The following MYCBP2 variants were observed in gnomAD, a reference collection of about 807,000 sequenced individuals.
The protein encoded by MYCBP2 is E3 ubiquitin-protein ligase MYCBP2.
MYCBP2 carries 120 observed loss-of-function variants against 525.3 expected under a neutral mutation model. The ratio of observed to expected loss-of-function variants is 0.23; its 90% CI spans 0.20 to 0.27. The LOEUF (loss-of-function observed/expected upper bound fraction) is 0.27, where lower values mean the gene tolerates loss of function less well. Ranked by LOEUF, MYCBP2 falls within the 10% of genes least tolerant of loss-of-function variation. The pLI, the probability that MYCBP2 is intolerant of heterozygous loss-of-function variation, is 1.00. For missense variants in MYCBP2, 4,149 were observed against 5,657.1 expected (o/e 0.73, Z 8.55); for synonymous variants, 1,894 against 1,955.8 (o/e 0.97, Z 0.83).
chr13:77,057,760 T>G (rs1030066442), intron 78 of MYCBP2, among the ~76,000 whole-genome samples: 11 of 151,024 alleles, frequency 7.3e-5, no homozygotes, highest in African/African-American at 2.4e-4. Flanking sequence ...AATTTGCTCC[T>G]CATTAGCCTG....
chr13:77,160,140 C>G (rs1245557313), intron 44 of MYCBP2, among the ~76,000 whole-genome samples: 4 of 149,592 alleles, frequency 2.7e-5, no homozygotes, highest in Admixed American at 1.3e-4. Flanking sequence ...GATCTTGGCT[C>G]ACCTCAACCT....
At chr13:77,120,069 TGACA>T (rs1320105866) in intron 55 of MYCBP2, among the ~76,000 whole-genome samples, 7 of 152,184 alleles carry the variant, frequency 4.6e-5, no homozygotes, top group South Asian at 4.1e-4. Flanking sequence ...ATTAGTACAA[TGACA>T]GACAGTTTAA....
At chr13:77,188,474 T>C (rs1036763493) in intron 30 of MYCBP2, among the ~76,000 whole-genome samples, 25 of 152,244 alleles carry the variant, frequency 1.6e-4, no homozygotes, top group African/African-American at 5.8e-4. Flanking sequence ...ATTTACATCA[T>C]GTTGACTTTC....
intron 49 of MYCBP2, among the ~76,000 whole-genome samples, chr13:77,141,728 G>A (rs935545137): frequency 2.7e-5 from 4 of 146,194 alleles, no homozygotes; most frequent in South Asian, 2.1e-4. Context: ...CAGGGATCGC[G>A]CCACTGCATT....
intron 30 of MYCBP2, among the ~76,000 whole-genome samples, chr13:77,186,718 A>T (rs901489371): frequency 6.6e-6 from 1 of 151,956 alleles, no homozygotes; most frequent in Non-Finnish European, 1.5e-5. Flanking sequence ...ATGACAACAG[A>T]TACCACCTGA....
At chr13:77,199,922 T>C (rs545515038) in intron 26 of MYCBP2, among the ~76,000 whole-genome samples, 2 of 152,214 alleles carry the variant, frequency 1.3e-5, no homozygotes, top group East Asian at 1.9e-4. Context: ...CAAAAGTCGA[T>C]AAAACCACAA....
Position 77,125,415 on chromosome 13 carries a change from C to G in MYCBP2, c.7938G>C (p.Glu2646Asp), listed in dbSNP as rs1275830420. The G allele has an allele frequency of 2.5e-6, 4 of 1,614,030 alleles. No homozygotes were observed. Among genetic ancestry groups the G allele is most frequent in the Non-Finnish European group, 3.4e-6 (4 of 1,179,890 alleles). Reference protein sequence around the residue: ...WVQLDQNSMVEFCESDEGEAW... With the variant: ...WVQLDQNSMVDFCESDEGEAW... ...CCTCTCCTTCATCACTCTCACAGAA[C>G]TCTACCATGCTGTTCTGATCCAGTT... Residue 2646 changes from glutamate to aspartate, a missense_variant, in exon 54 of 83, where the codon GAG becomes GAC. Physicochemically the swap from Glu to Asp is conservative, Grantham distance 45. Transcript: ENST00000544440.
chr13:77,273,170 GGAA>G (rs1192528976), intron 5 of MYCBP2, among the ~76,000 whole-genome samples: 3 of 152,144 alleles, frequency 2.0e-5, no homozygotes, highest in South Asian at 4.1e-4. Context: ...GGGAAAGATG[GGAA>G]GAAGGGAGAA....
Position 77,270,066 on chromosome 13 carries a change from G to A in MYCBP2, c.1189-3C>T. On this transcript the variant is annotated splice_polypyrimidine_tract_variant and splice_region_variant and intron_variant, in intron 6 of 82. Coordinates refer to ENST00000544440, the MANE Select transcript of MYCBP2 (RefSeq NM_015057.5). Reference sequence around the variant, plus strand: ...GATGTAGAATTGTATATATGGCCCTGCAAAAAAAACAAAAGTTAGTATATC... The same window carrying A: ...GATGTAGAATTGTATATATGGCCCTACAAAAAAAACAAAAGTTAGTATATC... The A allele has an allele frequency of 6.3e-7, 1 of 1,593,144 alleles. No individual in the cohort carries two copies. Among genetic ancestry groups the A allele is most frequent in the Non-Finnish European group, 8.5e-7 (1 of 1,173,598 alleles).
At chr13:77,077,685 T>C (rs1294192098) in intron 66 of MYCBP2, 2 of 260,368 alleles carry the variant, frequency 7.7e-6, no homozygotes, top group East Asian at 1.6e-4. Flanking sequence ...CGAGCAAAAT[T>C]ATATGAGTGA....
At chr13:77,078,076 A>T (rs1218944594) in intron 66 of MYCBP2, 1 of 152,232 alleles carries the variant, frequency 6.6e-6, no homozygotes, top group Non-Finnish European at 1.5e-5. Context: ...CATTAAGTTG[A>T]TATTATTTTA....
At chr13:77,312,616 A>T (rs1443031683) in intron 1 of MYCBP2, among the ~76,000 whole-genome samples, 1 of 152,084 alleles carries the variant, frequency 6.6e-6, no homozygotes, top group East Asian at 1.9e-4. Context: ...AGACCAATAG[A>T]GCAACTAAAA....
At chr13:77,109,377 G>C (rs749605646) in intron 55 of MYCBP2, among the ~76,000 whole-genome samples, 2 of 152,194 alleles carry the variant, frequency 1.3e-5, no homozygotes, top group Admixed American at 1.3e-4. Flanking sequence ...TGCCGCAGCT[G>C]ATCTGACAGG....
At chr13:77,310,779 TGCGCATGCACACA>T (rs929439818) in intron 1 of MYCBP2, among the ~76,000 whole-genome samples, 2 of 108,698 alleles carry the variant, frequency 1.8e-5, no homozygotes, top group African/African-American at 5.5e-5. Context: ...CGTGTGTGCG[TGCGCATGCACACA>T]CACACACACA....
At chr13:77,295,090 G>C (rs1412215709) in intron 2 of MYCBP2, among the ~76,000 whole-genome samples, 2 of 152,094 alleles carry the variant, frequency 1.3e-5, no homozygotes, top group African/African-American at 4.8e-5. Context: ...TCCACACACA[G>C]AGGAAGGCAG....
In MYCBP2 at chr13:77,262,104, T is replaced by C; in HGVS notation, c.1596A>G (p.Ala532=). The C allele has an allele frequency of 6.2e-6, 10 of 1,611,604 alleles. No homozygotes were observed. Among genetic ancestry groups the C allele is most frequent in the Non-Finnish European group, 8.5e-6 (10 of 1,178,486 alleles). Residue 532 remains alanine (A), a synonymous_variant, in exon 11 of 83, where the codon GCA becomes GCG. Transcript: ENST00000544440. ...IISTGFDEES[A]ILGAGREFAL... ...CAAACTCTCGTCCTGCACCAAGAAT[T>C]GCTGACTCCTCATCAAATCCTGTAC...
chr13:77,138,693 C>A (rs1714754098), intron 52 of MYCBP2, among the ~76,000 whole-genome samples: 1 of 152,082 alleles, frequency 6.6e-6, no homozygotes, highest in South Asian at 2.1e-4. Flanking sequence ...TTAACTTCAA[C>A]TAGAATACAA....
At chr13:77,061,925 C>T (rs985374770) in intron 74 of MYCBP2, 135 bp from the exon 75 acceptor site, 3 of 914,076 alleles carry the variant, frequency 3.3e-6, no homozygotes, top group Non-Finnish European at 4.6e-6. Flanking sequence ...GAATATTAAA[C>T]AGAATTATTG....
chr13:77,293,479 A>T (rs1465957124), intron 2 of MYCBP2, among the ~76,000 whole-genome samples: 1 of 152,214 alleles, frequency 6.6e-6, no homozygotes, highest in Non-Finnish European at 1.5e-5. Flanking sequence ...CAAATATACA[A>T]GGGAGATATG....
Sources: allele counts gnomAD v4.1 joint callset (sites outside exome capture counted in the v4.1 genomes callset), GRCh38; gene constraint gnomAD v4.1.1; transcripts MANE v1.5; gene names NCBI Gene and HGNC (gene_info 2026-07-23, HGNC 2026-07-21).